GALNT12: variants seen among roughly 807,000 people sequenced by gnomAD.
The protein encoded by GALNT12 is UDP-GalNAc:polypeptide N-acetylgalactosaminyltransferase 12.
Under a neutral mutation model 55.5 loss-of-function variants are expected in GALNT12, and 45 were observed. The observed-to-expected ratio is 0.81, with a 90% CI of 0.64 to 1.04. The LOEUF (loss-of-function observed/expected upper bound fraction) is 1.04. GALNT12 is among the 50% of genes least tolerant of loss of function. The pLI, the probability that GALNT12 is intolerant of heterozygous loss-of-function variation, is 0.00. For missense variants in GALNT12, 709 were observed against 754.8 expected (o/e 0.94, Z 0.71); for synonymous variants, 304 against 312.2 (o/e 0.97, Z 0.28).
intron 1 of GALNT12, among the ~76,000 whole-genome samples, chr9:98,818,444 C>G (rs567273145): frequency 1.3e-5 from 2 of 152,080 alleles, no homozygotes; most frequent in Non-Finnish European, 2.9e-5. Context: ...AGGCTTGTCT[C>G]GAACTCCTGA....
In GALNT12 at chr9:98,826,798, G is replaced by A; in HGVS notation, c.588G>A (p.Lys196=). ...CCAATGAGCTTTCGGGACTGCCCAAGGTGCGCCTGATCCGCGCCAACAAGA... is the reference window on the plus strand; with the variant it reads ...CCAATGAGCTTTCGGGACTGCCCAAAGTGCGCCTGATCCGCGCCAACAAGA... The part of the protein sequence containing the change: ...RLANELSGLP[K]VRLIRANKRE... Residue 196 remains lysine (K), a synonymous_variant, in exon 3 of 10, where the codon AAG becomes AAA. Transcript: ENST00000375011. 2 of 1,612,094 alleles carry A rather than the reference G, an allele frequency of 1.2e-6. No homozygotes were observed. The highest frequency in any genetic ancestry group is 2.2e-5 in the South Asian group (2 of 90,762).
At chr9:98,848,496 T>C (rs1024007850) in intron 9 of GALNT12, among the ~76,000 whole-genome samples, 27 of 152,190 alleles carry the variant, frequency 1.8e-4, no homozygotes, top group African/African-American at 6.5e-4. Context: ...GGTGAGTAGC[T>C]CAGGCCAAGT....
At chr9:98,844,633 G>T in intron 8 of GALNT12, 1 of 235,872 alleles carries the variant, frequency 4.2e-6, no homozygotes, top group South Asian at 5.4e-5. Flanking sequence ...TCAGACAGAA[G>T]GAAGGATAAA....
chr9:98,823,276 A>G lies in GALNT12; in HGVS notation c.392A>G (p.Asp131Gly), dbSNP rs143127190. 1 of 1,614,184 alleles carries G rather than the reference A, an allele frequency of 6.2e-7. No homozygotes were observed. The highest frequency in any genetic ancestry group is 8.5e-7 in the Non-Finnish European group (1 of 1,179,996). Residue 131 changes from aspartate to glycine, a missense_variant, in exon 2 of 10, where the codon GAT becomes GGT. By Grantham distance (94) the Asp-to-Gly change is moderately conservative. Coordinates refer to ENST00000375011, the MANE Select transcript of GALNT12 (RefSeq NM_024642.5). ...WNPLCKEKKYDYDNLPRTSVI... is the reference protein window; with the variant it reads ...WNPLCKEKKYGYDNLPRTSVI... ...TGCAGGTGCAAAGAGAAGAAATATG[A>G]TTATGATAATTTGCCCAGGACATCT...
chr9:98,830,779 T>G (rs1303958104), intron 3 of GALNT12, among the ~76,000 whole-genome samples: 1 of 152,202 alleles, frequency 6.6e-6, no homozygotes, highest in East Asian at 1.9e-4. Flanking sequence ...TTCTGAACAG[T>G]GCAATTTCCC....
At chr9:98,848,789 T>C (rs940490561) in intron 9 of GALNT12, 163 bp from the exon 10 acceptor site, 13 of 790,582 alleles carry the variant, frequency 1.6e-5, no homozygotes, top group African/African-American at 1.4e-4. Flanking sequence ...CCTGGTGCTG[T>C]GTCCCCGGGA....
At chr9:98,841,951 T>C (rs1035935393) in intron 7 of GALNT12, among the ~76,000 whole-genome samples, 2 of 152,154 alleles carry the variant, frequency 1.3e-5, no homozygotes, top group African/African-American at 2.4e-5. Flanking sequence ...CTATTGGGAT[T>C]ACAGGCATGA....
At chr9:98,821,259 C>T (rs902027529) in intron 1 of GALNT12, among the ~76,000 whole-genome samples, 4 of 152,128 alleles carry the variant, frequency 2.6e-5, no homozygotes, top group South Asian at 2.1e-4. Context: ...ATCTGCCGGC[C>T]TCAGCCTCTG....
rs1310082193 is a variant in GALNT12 at position 98,807,784 on chromosome 9, C to A, written c.86C>A (p.Ala29Glu). 2 of 1,142,140 alleles carry A rather than the reference C, an allele frequency of 1.8e-6. No individual in the cohort carries two copies. The highest frequency in any genetic ancestry group is 3.3e-5 in the African/African-American group (2 of 60,066). 70.8% of individuals were successfully genotyped at this position (1,142,140 alleles called of 1,614,324 possible). The change falls in exon 1 of 10, where the codon GCG (alanine) becomes GAG (glutamate). Residue 29 changes from alanine (A) to glutamate (E), a missense_variant. Ala to Glu is a moderately radical substitution (Grantham distance 107). This residue lies in a region of GALNT12 where 110 missense variants were observed against 102.2 expected (regional missense o/e 1.08). Coordinates refer to ENST00000375011, the MANE Select transcript of GALNT12 (RefSeq NM_024642.5). ...CTGTTGGTGCTCCTGGCGCTACTGG[C>A]GTTGGCCGGGCTGGGCTCGGTGCTG... ...EALLVLLALL[A>E]LAGLGSVLRA...
At position 98,828,984 on chromosome 9, in the gene GALNT12, C is replaced by T. The variant is rs190758339; in HGVS notation, c.731+2043C>T. On this transcript the variant is annotated intron_variant, in intron 3 of 9. Coordinates refer to ENST00000375011, the MANE Select transcript of GALNT12 (RefSeq NM_024642.5). ...AGCTGGGACTACAGGTGCGTGCCAC[C>T]GCACCTGGCTAGTTTTTGTATTTTT... is the stretch of plus-strand genomic sequence containing the variant. Among the ~76,000 whole-genome samples, 317 of 151,964 alleles carry T rather than the reference C, an allele frequency of 2.1e-3. 1 individual carries two copies. The highest frequency in any genetic ancestry group is 7.3e-3 in the African/African-American group (304 of 41,454).
intron 6 of GALNT12, 104 bp from the exon 7 acceptor site, chr9:98,839,898 C>A: frequency 7.0e-7 from 1 of 1,427,100 alleles, no homozygotes; most frequent in Non-Finnish European, 9.9e-7. Context: ...ACGAATGCTC[C>A]ATCAAAGCTG....
Position 98,849,109 on chromosome 9 carries a change from G to C in GALNT12, c.*17G>C. 1.2e-6 allele frequency: 2 copies of C among 1,614,034 alleles called. No homozygotes were observed. Among genetic ancestry groups the C allele is most frequent in the Non-Finnish European group, 1.7e-6 (2 of 1,179,954 alleles). On this transcript the variant is annotated 3_prime_UTR_variant, in exon 10 of 10. Coordinates refer to ENST00000375011, the MANE Select transcript of GALNT12 (RefSeq NM_024642.5). Reference sequence around the variant, plus strand: ...ATGTTATGAAGCCTCGTGTATCAAGGAGCCCATCGAAGGAGACTGTGGAGC... The same window carrying C: ...ATGTTATGAAGCCTCGTGTATCAAGCAGCCCATCGAAGGAGACTGTGGAGC...
At position 98,840,116 on chromosome 9, in the gene GALNT12, C is replaced by A. The variant is rs201667596; in HGVS notation, c.1327C>A (p.Pro443Thr). Residue 443 changes from proline to threonine, a missense_variant, in exon 7 of 10, where the codon CCT becomes ACT. Pro to Thr is a conservative substitution (Grantham distance 38, BLOSUM62 -1). Coordinates refer to ENST00000375011, the MANE Select transcript of GALNT12 (RefSeq NM_024642.5). ...YPELHVPEDR[P>T]GFFGMLQNKG... is the part of the protein sequence containing the mutation. ...AGAACTGCATGTGCCTGAGGACAGGCCTGGCTTCTTCGGGATGGTGAGTGA... is the reference window on the plus strand; with the variant it reads ...AGAACTGCATGTGCCTGAGGACAGGACTGGCTTCTTCGGGATGGTGAGTGA... The A allele has an allele frequency of 6.2e-7, 1 of 1,613,834 alleles. No individual in the cohort carries two copies.
chr9:98,814,084 T>C (rs1835558828), intron 1 of GALNT12, among the ~76,000 whole-genome samples: 2 of 152,182 alleles, frequency 1.3e-5, no homozygotes, highest in African/African-American at 4.8e-5. Context: ...ATTCAGGGAC[T>C]CAATTGATGT....
intron 5 of GALNT12, 87 bp from the exon 6 acceptor site, chr9:98,836,885 G>A (rs1836161767): frequency 4.2e-6 from 6 of 1,412,624 alleles, no homozygotes; most frequent in East Asian, 2.3e-5. Context: ...CATGCCTTGC[G>A]TGTGCCTGGC....
chr9:98,849,209 G>C lies in GALNT12; in HGVS notation c.*117G>C. 3 of 993,436 alleles carry C rather than the reference G, an allele frequency of 3.0e-6. No individual in the cohort carries two copies. Among genetic ancestry groups the C allele is most frequent in the Non-Finnish European group, 4.7e-6 (3 of 635,206 alleles). 61.5% of individuals were successfully genotyped at this position (993,436 alleles called of 1,614,324 possible). A position where few individuals can be genotyped will look rare whatever the true frequency, so the allele number is the denominator to read the frequency against. Reference sequence around the variant, plus strand: ...AAAAACTAGGCTGCATTGCTTTGAAGAGGCAATCATTTTGCCATTTGTGAA... The same window carrying C: ...AAAAACTAGGCTGCATTGCTTTGAACAGGCAATCATTTTGCCATTTGTGAA... On this transcript the variant is annotated 3_prime_UTR_variant, in exon 10 of 10. Transcript: ENST00000375011.
Position 98,831,852 on chromosome 9 carries a change from C to T in GALNT12, c.812C>T (p.Ser271Phe), listed in dbSNP as rs1187144472. The change falls in exon 4 of 10, where the codon TCC becomes TTC. Residue 271 changes from serine (S) to phenylalanine (F), a missense_variant. Physicochemically the swap from Ser to Phe is radical, Grantham distance 155 (BLOSUM62 -2). Transcript: ENST00000375011. ...DWNTFEYLGN[S>F]GEPQIGGFDW... ...AACACCTTCGAATACCTGGGGAACT[C>T]CGGGGAGCCCCAGATCGGCGGTTTC... is the stretch of plus-strand genomic sequence containing the variant. 6.2e-7 allele frequency: 1 copy of T among 1,614,058 alleles called. No individual in the cohort carries two copies. The highest frequency in any genetic ancestry group is 8.5e-7 in the Non-Finnish European group (1 of 1,180,044).
chr9:98,828,184 G>A (rs949759018), intron 3 of GALNT12, among the ~76,000 whole-genome samples: 3 of 152,196 alleles, frequency 2.0e-5, no homozygotes, highest in South Asian at 2.1e-4. Flanking sequence ...ATGGTTGTTA[G>A]GGTTGTCTGA....
intron 7 of GALNT12, among the ~76,000 whole-genome samples, chr9:98,841,974 G>T (rs1017821590): frequency 6.6e-6 from 1 of 151,888 alleles, no homozygotes; most frequent in Non-Finnish European, 1.5e-5. Context: ...CACCATGCCC[G>T]GCCAAGGCAT....
Sources: allele counts gnomAD v4.1 joint callset (sites outside exome capture counted in the v4.1 genomes callset), GRCh38; gene constraint gnomAD v4.1.1; regional missense constraint gnomAD v4.1.1; transcripts MANE v1.5; gene names NCBI Gene and HGNC (gene_info 2026-07-23, HGNC 2026-07-21).